Variants in RABGAP1L observed in about 807,000 individuals in gnomAD.
RABGAP1L encodes rab GTPase-activating protein 1-like.
RABGAP1L carries 63 observed loss-of-function variants against 137.7 expected under a neutral mutation model. The ratio of observed to expected loss-of-function variants is 0.46; its 90% CI spans 0.37 to 0.56. RABGAP1L has a LOEUF of 0.56. RABGAP1L is among the 20% of genes least tolerant of loss of function. The pLI, the probability that RABGAP1L is intolerant of heterozygous loss-of-function variation, is 0.00. For missense variants in RABGAP1L, 1,095 were observed against 1,244.0 expected (o/e 0.88, Z 1.80); for synonymous variants, 431 against 433.7 (o/e 0.99, Z 0.08).
chr1:174,604,016 C>G (rs6672148), intron 13 of RABGAP1L, among the ~76,000 whole-genome samples: 87,768 of 151,298 alleles, frequency 0.58, 27,771 homozygotes, highest in African/African-American at 0.85. Flanking sequence ...CTTGTGTTGG[C>G]GAAGAGCTGA....
At chr1:174,385,933 T>G (rs911731639) in intron 12 of RABGAP1L, among the ~76,000 whole-genome samples, 2 of 152,164 alleles carry the variant, frequency 1.3e-5, no homozygotes, top group Admixed American at 1.3e-4. Context: ...GAGGACACAT[T>G]AGTAAGTGGA....
intron 7 of RABGAP1L, among the ~76,000 whole-genome samples, chr1:174,258,985 C>T (rs1004217962): frequency 3.3e-5 from 5 of 151,800 alleles, no homozygotes; most frequent in African/African-American, 7.3e-5. Flanking sequence ...GACGGGGTCT[C>T]GCTTAGTTGT....
intron 18 of RABGAP1L, among the ~76,000 whole-genome samples, chr1:174,808,406 A>G (rs1012594494): frequency 1.3e-5 from 2 of 152,058 alleles, no homozygotes; most frequent in Non-Finnish European, 2.9e-5. Context: ...GTGAGCTATG[A>G]TTGCACCATC....
intron 19 of RABGAP1L, among the ~76,000 whole-genome samples, chr1:174,871,698 G>C (rs2149055492): frequency 6.6e-6 from 1 of 152,274 alleles, no homozygotes; most frequent in African/African-American, 2.4e-5. Flanking sequence ...AATATCATGT[G>C]AAATGATTTC....
chr1:174,397,486 A>G (rs1237690838), intron 13 of RABGAP1L, among the ~76,000 whole-genome samples: 2 of 152,112 alleles, frequency 1.3e-5, no homozygotes. Context: ...AGCTGTGGTG[A>G]CACACCTAAA....
chr1:174,820,975 C>A (rs1421967802), intron 19 of RABGAP1L, among the ~76,000 whole-genome samples: 1 of 151,498 alleles, frequency 6.6e-6, no homozygotes, highest in Admixed American at 6.6e-5. Flanking sequence ...TGACATTGCA[C>A]CACTGCACTC....
At chr1:174,530,047 C>T (rs1020632855) in intron 13 of RABGAP1L, among the ~76,000 whole-genome samples, 2 of 151,954 alleles carry the variant, frequency 1.3e-5, no homozygotes, top group Non-Finnish European at 2.9e-5. Flanking sequence ...TGGGTCAATG[C>T]GCATGCTACC....
At chr1:174,615,677 A>T (rs2148237856) in intron 13 of RABGAP1L, among the ~76,000 whole-genome samples, 1 of 152,344 alleles carries the variant, frequency 6.6e-6, no homozygotes, top group African/African-American at 2.4e-5. Flanking sequence ...CCCTGCCCCC[A>T]GAGGTGGAGC....
intron 13 of RABGAP1L, among the ~76,000 whole-genome samples, chr1:174,539,682 C>G (rs1323084756): frequency 6.6e-6 from 1 of 152,180 alleles, no homozygotes; most frequent in East Asian, 1.9e-4. Context: ...TTTCTTAATC[C>G]AGTCTATCAT....
At chr1:174,179,548 A>G (rs1179931703) in intron 1 of RABGAP1L, among the ~76,000 whole-genome samples, 10 of 59,034 alleles carry the variant, frequency 1.7e-4, no homozygotes, top group African/African-American at 1.5e-3. Flanking sequence ...GCACGTGCAC[A>G]CACACACACA....
At chr1:174,609,656 C>T (rs1215958210) in intron 13 of RABGAP1L, among the ~76,000 whole-genome samples, 2 of 152,106 alleles carry the variant, frequency 1.3e-5, no homozygotes, top group Admixed American at 6.6e-5. Flanking sequence ...AGCTATTTTT[C>T]TGTGAAAAAG....
chr1:174,453,891 T>C lies in RABGAP1L; in HGVS notation c.1710+59746T>C, dbSNP rs1460425176. ...ATGATGTCATTAAGGTTTTTCTTCA[T>C]GACTATTTTGTTTTAATTTTTTACA... On this transcript the variant is annotated intron_variant, in intron 13 of 25. Transcript: ENST00000681986. 3.3e-5 allele frequency among the ~76,000 whole-genome samples: 5 copies of C among 152,356 alleles called. No individual in the cohort carries two copies. The East Asian group carries it at 7.7e-4, about 23-fold the overall frequency.
At chr1:174,565,424 G>A (rs1223537962) in intron 13 of RABGAP1L, among the ~76,000 whole-genome samples, 3 of 152,066 alleles carry the variant, frequency 2.0e-5, no homozygotes, top group African/African-American at 7.2e-5. Context: ...CTTCATTGCA[G>A]TATTCTCTGC....
chr1:174,170,839 A>G (rs1479385453), intron 1 of RABGAP1L, among the ~76,000 whole-genome samples: 4 of 152,102 alleles, frequency 2.6e-5, no homozygotes, highest in East Asian at 1.9e-4. Context: ...ATCAAAAAAG[A>G]TAAGATGTAC....
chr1:174,674,609 G>A (rs1262946861), intron 14 of RABGAP1L, among the ~76,000 whole-genome samples: 2 of 151,004 alleles, frequency 1.3e-5, no homozygotes, highest in East Asian at 2.0e-4. Context: ...ACCCAGTAAT[G>A]GGATGGCTGG....
At chr1:174,973,761 C>A (rs1670374070) in intron 21 of RABGAP1L, among the ~76,000 whole-genome samples, 1 of 151,568 alleles carries the variant, frequency 6.6e-6, no homozygotes, top group African/African-American at 2.4e-5. Context: ...GAAAAAAAAA[C>A]ATTTATTTCA....
At chr1:174,792,829 A>G (rs1016376714) in intron 18 of RABGAP1L, among the ~76,000 whole-genome samples, 1 of 152,212 alleles carries the variant, frequency 6.6e-6, no homozygotes, top group Non-Finnish European at 1.5e-5. Flanking sequence ...CTACATGTCA[A>G]TAATGACACA....
chr1:174,550,454 T>C (rs1400198678), intron 13 of RABGAP1L, among the ~76,000 whole-genome samples: 1 of 152,160 alleles, frequency 6.6e-6, no homozygotes, highest in Non-Finnish European at 1.5e-5. Context: ...AACTATCTTC[T>C]GCAAATTAGC....
In RABGAP1L at chr1:174,677,072, A is replaced by G. The variant is rs184278450; in HGVS notation, c.1825-6450A>G. ...TGGGGTGGCTCATGCGTGTAATCCA[A>G]GCACTCTGGATGGCTGAGGCAGAAG... On this transcript the variant is annotated intron_variant, in intron 14 of 25. Transcript: ENST00000681986. 2.6e-5 allele frequency among the ~76,000 whole-genome samples: 4 copies of G among 151,054 alleles called. No homozygotes were observed. In the Admixed American group the frequency reaches 2.7e-4, roughly 10 times the overall value.
Sources: gnomAD v4.1 joint callset for allele counts (sites outside exome capture counted in the v4.1 genomes callset) on GRCh38, gnomAD v4.1.1 for gene constraint, MANE v1.5 for transcripts, NCBI Gene and HGNC (gene_info 2026-07-23, HGNC 2026-07-21) for gene names.